The following TEAD1 variants were observed in gnomAD, a reference collection of about 807,000 sequenced individuals.
TEAD1 encodes TEA domain transcription factor 1.
Under a neutral mutation model 54.9 loss-of-function variants are expected in TEAD1, and 9 were observed. That is an observed-to-expected ratio of 0.16 (90% CI 0.10 to 0.29). The LOEUF is 0.29. Among genes scored for constraint, TEAD1 ranks in the 10% least tolerant of loss-of-function variants. The pLI is 1.00. For synonymous variants in TEAD1, 200 were observed against 187.8 expected (o/e 1.07, Z -0.53); for missense variants, 387 against 535.9 (o/e 0.72, Z 2.74).
intron 2 of TEAD1, among the ~76,000 whole-genome samples, chr11:12,744,035 T>C (rs951485169): frequency 2.0e-5 from 3 of 152,208 alleles, no homozygotes; most frequent in African/African-American, 7.2e-5. Flanking sequence ...AACTGGCAGG[T>C]GTTCAGAGGT....
chr11:12,926,928 G>C (rs1355386703), intron 11 of TEAD1, among the ~76,000 whole-genome samples: 2 of 152,232 alleles, frequency 1.3e-5, no homozygotes, highest in Non-Finnish European at 2.9e-5. Context: ...GTGATTGGGA[G>C]TGTGGAAGAT....
intron 5 of TEAD1, among the ~76,000 whole-genome samples, chr11:12,875,006 A>C (rs1399257240): frequency 6.6e-6 from 1 of 152,200 alleles, no homozygotes; most frequent in Non-Finnish European, 1.5e-5. Flanking sequence ...ATGCACACGC[A>C]CGCACACATA....
intron 5 of TEAD1, 127 bp from the exon 6 acceptor site, chr11:12,879,581 A>G (rs544628835): frequency 1.1e-5 from 12 of 1,103,024 alleles, no homozygotes; most frequent in South Asian, 2.5e-5. Flanking sequence ...TTATCCATGC[A>G]TGTTTGCTTT....
chr11:12,835,994 C>G (rs897045262), intron 3 of TEAD1, among the ~76,000 whole-genome samples: 1 of 152,022 alleles, frequency 6.6e-6, no homozygotes. Context: ...ATGTTCTCGT[C>G]ACAAAGAAAT....
chr11:12,864,627 G>A, intron 4 of TEAD1: 1 of 1,125,420 alleles, frequency 8.9e-7, no homozygotes, highest in Non-Finnish European at 1.2e-6. Flanking sequence ...TTTTTGTTTT[G>A]TTTTGTTTTG....
At chr11:12,754,601 G>A (rs1346543183) in intron 2 of TEAD1, among the ~76,000 whole-genome samples, 2 of 152,166 alleles carry the variant, frequency 1.3e-5, no homozygotes, top group Non-Finnish European at 2.9e-5. Context: ...ACAGGAAAGA[G>A]TTTTTTCCTT....
intron 3 of TEAD1, among the ~76,000 whole-genome samples, chr11:12,800,428 T>C (rs752117585): frequency 5.9e-5 from 9 of 152,210 alleles, no homozygotes; most frequent in Non-Finnish European, 8.8e-5. Flanking sequence ...ACAAATTAGA[T>C]AAGGCTTCTG....
chr11:12,931,243 T>G (rs966170078), intron 12 of TEAD1, among the ~76,000 whole-genome samples: 3 of 152,246 alleles, frequency 2.0e-5, no homozygotes, highest in Non-Finnish European at 4.4e-5. Flanking sequence ...AACAAATTTC[T>G]TCTGGGAGCT....
chr11:12,734,516 C>G (rs907998877), intron 2 of TEAD1, among the ~76,000 whole-genome samples: 1 of 152,216 alleles, frequency 6.6e-6, no homozygotes, highest in Non-Finnish European at 1.5e-5. Flanking sequence ...TCACTCACCA[C>G]TCACTCATTG....
At chr11:12,734,927 A>G (rs1184344367) in intron 2 of TEAD1, among the ~76,000 whole-genome samples, 2 of 152,232 alleles carry the variant, frequency 1.3e-5, no homozygotes, top group Non-Finnish European at 2.9e-5. Flanking sequence ...GAAACACACA[A>G]ACACACCGCC....
In TEAD1 at chr11:12,937,192, A is replaced by G; in HGVS notation, c.1251A>G (p.Gln417=). The change falls in exon 13 of 13, where the codon CAA becomes CAG. Residue 417 remains glutamine (Q), a synonymous_variant. Transcript: ENST00000527636. ...TTTCAAATAGTGAACACGGAGCACA[A>G]CATCATATTTACAGGCTTGTAAAGG... The G allele has an allele frequency of 6.2e-7, 1 of 1,614,032 alleles. No homozygotes were observed. The highest frequency in any genetic ancestry group is 1.1e-5 in the South Asian group (1 of 91,082).
chr11:12,875,315 G>T (rs1217948825), intron 5 of TEAD1, among the ~76,000 whole-genome samples: 1 of 152,194 alleles, frequency 6.6e-6, no homozygotes, highest in African/African-American at 2.4e-5. Context: ...ACACAGAGGA[G>T]CAGTTCACTC....
intron 5 of TEAD1, among the ~76,000 whole-genome samples, chr11:12,874,514 A>G (rs1217503753): frequency 5.9e-5 from 9 of 152,232 alleles, no homozygotes; most frequent in Admixed American, 5.9e-4. Flanking sequence ...GCTCTCCTTC[A>G]TGAAATATGA....
chr11:12,868,406 A>G (rs1947669409), intron 5 of TEAD1, among the ~76,000 whole-genome samples: 1 of 152,146 alleles, frequency 6.6e-6, no homozygotes, highest in Admixed American at 6.5e-5. Context: ...TCCCATTTAA[A>G]GCCCATGTTT....
At chr11:12,859,063 T>A (rs1038670180) in intron 3 of TEAD1, among the ~76,000 whole-genome samples, 4 of 152,214 alleles carry the variant, frequency 2.6e-5, no homozygotes, top group Non-Finnish European at 5.9e-5. Flanking sequence ...TGTATGCAGC[T>A]CATTGTTGAC....
intron 9 of TEAD1, among the ~76,000 whole-genome samples, chr11:12,884,648 A>G (rs1245652868): frequency 6.6e-6 from 1 of 152,158 alleles, no homozygotes; most frequent in African/African-American, 2.4e-5. Context: ...GAGCTGGTGG[A>G]AAAATAGAGC....
chr11:12,846,832 T>A (rs1055262119), intron 3 of TEAD1, among the ~76,000 whole-genome samples: 3 of 152,236 alleles, frequency 2.0e-5, no homozygotes, highest in Non-Finnish European at 4.4e-5. Flanking sequence ...AATTTTGAAG[T>A]AAGAAGGGCT....
At chr11:12,887,296 C>G (rs959302148) in intron 9 of TEAD1, among the ~76,000 whole-genome samples, 1 of 151,928 alleles carries the variant, frequency 6.6e-6, no homozygotes, top group South Asian at 2.1e-4. Flanking sequence ...AGGGTTTCAC[C>G]GTGTTAGCCA....
chr11:12,702,594 G>A (rs563411427), intron 2 of TEAD1, among the ~76,000 whole-genome samples: 15 of 152,206 alleles, frequency 9.9e-5, no homozygotes, highest in African/African-American at 3.4e-4. Flanking sequence ...GTGGCTGAGC[G>A]GCTCCTCCAG....
Sources: allele counts gnomAD v4.1 joint callset (sites outside exome capture counted in the v4.1 genomes callset), GRCh38; gene constraint gnomAD v4.1.1; transcripts MANE v1.5; gene names NCBI Gene and HGNC (gene_info 2026-07-23, HGNC 2026-07-21).